The following CLDN14 variants were observed in gnomAD, a reference collection of about 807,000 sequenced individuals.
The protein encoded by CLDN14 is claudin-14.
A neutral mutation model predicts 2.1 loss-of-function variants in CLDN14; 2 were observed. The observed-to-expected ratio is 0.96, with a 90% CI of 0.39 to 3.01. The LOEUF is 3.01. Ranked by LOEUF, CLDN14 falls within the 30% of genes most tolerant of loss-of-function variation. The probability of loss-of-function intolerance (pLI) is 0.09; values close to 1 mark genes in which losing one functional copy is unlikely to be tolerated. For synonymous variants in CLDN14, 136 were observed against 154.4 expected (o/e 0.88, Z 0.88); for missense variants, 298 against 328.0 (o/e 0.91, Z 0.71).
intron 1 of CLDN14, chr21:36,531,829 T>C (rs2087382772): frequency 6.6e-6 from 1 of 152,044 alleles, no homozygotes; most frequent in African/African-American, 2.4e-5. Flanking sequence ...TTATGTCCAA[T>C]ACATCTAGGT....
intron 1 of CLDN14, among the ~76,000 whole-genome samples, chr21:36,528,854 A>C (rs2087356486): frequency 6.6e-6 from 1 of 152,172 alleles, no homozygotes; most frequent in African/African-American, 2.4e-5. Context: ...CTTCTCCACC[A>C]CAGGCAGCAT....
chr21:36,519,109 A>AG, intron 1 of CLDN14, among the ~76,000 whole-genome samples: 1 of 152,310 alleles, frequency 6.6e-6, no homozygotes, highest in South Asian at 2.1e-4. Context: ...CAGAACAGGA[A>AG]GGGGTCATCT....
chr21:36,564,336 C>T (rs1249145320), intron 1 of CLDN14, among the ~76,000 whole-genome samples: 1 of 152,226 alleles, frequency 6.6e-6, no homozygotes, highest in Non-Finnish European at 1.5e-5. Context: ...CCAGCTATCG[C>T]TAAGCCAACA....
At chr21:36,575,630 A>G (rs1206371560) in intron 1 of CLDN14, among the ~76,000 whole-genome samples, 1 of 152,244 alleles carries the variant, frequency 6.6e-6, no homozygotes, top group African/African-American at 2.4e-5. Flanking sequence ...TCTTGGCAAT[A>G]GGTACAGTGC....
chr21:36,466,556 G>A (rs1443012969), intron 1 of CLDN14: 2 of 152,186 alleles, frequency 1.3e-5, no homozygotes, highest in East Asian at 1.9e-4. Context: ...GGAAACCACC[G>A]ACATGATTCA....
At chr21:36,483,194 C>T (rs2086864630), upstream of CLDN14, among the ~76,000 whole-genome samples, 1 of 152,226 alleles carries the variant, frequency 6.6e-6, no homozygotes. Flanking sequence ...CCCAAGGCCC[C>T]ACTGCAGCCC....
chr21:36,525,411 C>A (rs9976609), intron 1 of CLDN14, among the ~76,000 whole-genome samples: 112,677 of 150,718 alleles, frequency 0.75, 43,258 homozygotes, highest in Non-Finnish European at 0.85. Context: ...GAAATAAAGA[C>A]TTGAAGCTGG....
intron 1 of CLDN14, among the ~76,000 whole-genome samples, chr21:36,465,410 T>C (rs2086632938): frequency 6.6e-6 from 1 of 152,230 alleles, no homozygotes; most frequent in South Asian, 2.1e-4. Flanking sequence ...ACGTGTGCTA[T>C]AAGGATTTGC....
chr21:36,521,429 G>C, intron 1 of CLDN14, among the ~76,000 whole-genome samples: 1 of 152,234 alleles, frequency 6.6e-6, no homozygotes, highest in Non-Finnish European at 1.5e-5. Flanking sequence ...TTGGTGGCTT[G>C]CTGAATAGCC....
At chr21:36,557,794 T>G (rs918076805) in intron 1 of CLDN14, among the ~76,000 whole-genome samples, 1 of 152,256 alleles carries the variant, frequency 6.6e-6, no homozygotes, top group Non-Finnish European at 1.5e-5. Context: ...TAGTTTGATG[T>G]AATCCCATTT....
At chr21:36,491,012 T>G (rs931156619) in intron 2 of CLDN14, among the ~76,000 whole-genome samples, 15 of 151,514 alleles carry the variant, frequency 9.9e-5, no homozygotes, top group Non-Finnish European at 2.1e-4. Context: ...ACACATTGTT[T>G]TCTCAAAATG....
intron 1 of CLDN14, among the ~76,000 whole-genome samples, chr21:36,545,660 TC>T (rs1323022924): frequency 6.6e-6 from 1 of 152,228 alleles, no homozygotes; most frequent in African/African-American, 2.4e-5. Flanking sequence ...TATGTTAGTA[TC>T]TGCCCCCACT....
chr21:36,470,953 G>A (rs533585098), intron 1 of CLDN14, among the ~76,000 whole-genome samples: 2 of 152,260 alleles, frequency 1.3e-5, no homozygotes, highest in South Asian at 4.1e-4. Context: ...TCCAGCCTGA[G>A]TGAGAGAGCA....
chr21:36,539,954 A>G (rs1290679503), intron 1 of CLDN14, among the ~76,000 whole-genome samples: 2 of 150,558 alleles, frequency 1.3e-5, no homozygotes, highest in African/African-American at 4.9e-5. Flanking sequence ...GTGTATGTGT[A>G]GCATGTGGAG....
chr21:36,476,267 TG>T lies in CLDN14; in HGVS notation c.-82+3227del, dbSNP rs1055512164. Among the ~76,000 whole-genome samples the T allele has an allele frequency of 5.3e-5, 8 of 152,130 alleles. No homozygotes were observed. In the South Asian group the frequency reaches 1.0e-3, roughly 20 times the overall value. ...CCTTCTGCCATCTAGAAAAAGTGGT[TG>T]GGGGGGTGGTTCTTTATTTATCTTG... On this transcript the variant is annotated intron_variant, in intron 1 of 1. Transcript: ENST00000399135.
chr21:36,566,400 T>G (rs2087673088), intron 1 of CLDN14, among the ~76,000 whole-genome samples: 1 of 152,182 alleles, frequency 6.6e-6, no homozygotes, highest in Non-Finnish European at 1.5e-5. Context: ...GGAGACTTAG[T>G]CAAATATCAC....
intron 1 of CLDN14, among the ~76,000 whole-genome samples, chr21:36,549,511 A>T (rs2087549265): frequency 6.6e-6 from 1 of 152,228 alleles, no homozygotes; most frequent in African/African-American, 2.4e-5. Flanking sequence ...AGGCCCTGGA[A>T]GGCATTATTC....
At chr21:36,522,185 A>T (rs1349798513) in intron 1 of CLDN14, among the ~76,000 whole-genome samples, 1 of 152,060 alleles carries the variant, frequency 6.6e-6, no homozygotes, top group East Asian at 1.9e-4. Context: ...GTCCAATATA[A>T]TCAAGGCAGC....
At chr21:36,567,213 A>G (rs1313904077) in intron 1 of CLDN14, among the ~76,000 whole-genome samples, 1 of 152,248 alleles carries the variant, frequency 6.6e-6, no homozygotes, top group Non-Finnish European at 1.5e-5. Flanking sequence ...GCACATTCAC[A>G]TAGATGAACT....
Sources: allele counts gnomAD v4.1 joint callset (sites outside exome capture counted in the v4.1 genomes callset), GRCh38; gene constraint gnomAD v4.1.1; transcripts MANE v1.5; gene names NCBI Gene and HGNC (gene_info 2026-07-23, HGNC 2026-07-21).